Variants in MDGA2 observed in about 807,000 individuals in gnomAD.
MDGA2 encodes the protein MAM domain containing glycosylphosphatidylinositol anchor 2, also known as MAM domain-containing glycosylphosphatidylinositol anchor protein 2.
Under a neutral mutation model 117.8 loss-of-function variants are expected in MDGA2, and 40 were observed. The ratio of observed to expected loss-of-function variants is 0.34; its 90% confidence interval spans 0.26 to 0.44. The LOEUF is 0.44. Ranked by LOEUF, MDGA2 falls within the 20% of genes least tolerant of loss-of-function variation. The pLI, the probability that MDGA2 is intolerant of heterozygous loss-of-function variation, is 1.00. For missense variants in MDGA2, 1,123 were observed against 1,250.6 expected, an observed-to-expected ratio of 0.90 and a Z score of 1.54; for synonymous variants, 452 against 439.0, an observed-to-expected ratio of 1.03 and a Z score of -0.37.
At chr14:47,299,497 T>C (rs1889203288) in intron 2 of MDGA2, 1 of 152,224 alleles carries the variant, frequency 6.6e-6, no homozygotes, top group Non-Finnish European at 1.5e-5. Flanking sequence ...TAGACCCTCC[T>C]GTTTAGATCC....
chr14:47,185,072 T>C (rs1884857418), intron 3 of MDGA2, among the ~76,000 whole-genome samples: 1 of 151,138 alleles, frequency 6.6e-6, no homozygotes, highest in African/African-American at 2.4e-5. Context: ...AACATTTGCT[T>C]TTCAAAATGT....
At chr14:47,346,288 T>C (rs1890761258) in intron 1 of MDGA2, among the ~76,000 whole-genome samples, 1 of 152,160 alleles carries the variant, frequency 6.6e-6, no homozygotes, top group Non-Finnish European at 1.5e-5. Flanking sequence ...AACGGACAGC[T>C]AGTAAGTAAC....
chr14:47,202,840 C>T (rs1410296113), intron 3 of MDGA2, among the ~76,000 whole-genome samples: 1 of 149,224 alleles, frequency 6.7e-6, no homozygotes, highest in Admixed American at 6.6e-5. Flanking sequence ...AAGTTAGTAG[C>T]ACATAATACT....
At chr14:47,393,150 C>T (rs1043548588) in intron 1 of MDGA2, among the ~76,000 whole-genome samples, 4 of 150,944 alleles carry the variant, frequency 2.6e-5, no homozygotes, top group Non-Finnish European at 5.9e-5. Flanking sequence ...AATAGCTTGC[C>T]GTGTCAAACA....
intron 8 of MDGA2, among the ~76,000 whole-genome samples, chr14:46,965,413 T>C (rs1476267229): frequency 6.6e-6 from 1 of 152,182 alleles, no homozygotes; most frequent in Non-Finnish European, 1.5e-5. Flanking sequence ...GGGTTAAAAT[T>C]CTTCAAACAT....
chr14:47,334,357 G>C (rs949301915), intron 1 of MDGA2, among the ~76,000 whole-genome samples: 6 of 151,810 alleles, frequency 4.0e-5, no homozygotes, highest in African/African-American at 1.5e-4. Flanking sequence ...TCTGTTTTGT[G>C]TGGTGTTATT....
intron 7 of MDGA2, among the ~76,000 whole-genome samples, chr14:47,048,102 G>A (rs1382080633): frequency 6.6e-6 from 1 of 151,948 alleles, no homozygotes; most frequent in African/African-American, 2.4e-5. Flanking sequence ...CTATTTCTAT[G>A]AAATAACGAG....
At chr14:47,253,853 C>CAGGCA (rs1393570669) in intron 2 of MDGA2, among the ~76,000 whole-genome samples, 3 of 152,266 alleles carry the variant, frequency 2.0e-5, no homozygotes, top group Non-Finnish European at 4.4e-5. Context: ...CCTAGACATT[C>CAGGCA]AGGCATTTCC....
intron 1 of MDGA2, among the ~76,000 whole-genome samples, chr14:47,469,904 A>G (rs573181794): frequency 1.8e-4 from 28 of 152,136 alleles, no homozygotes; most frequent in Non-Finnish European, 3.2e-4. Flanking sequence ...GCTAAAATCT[A>G]TAAAAATACA....
At chr14:47,671,471 A>G (rs993648108) in intron 1 of MDGA2, among the ~76,000 whole-genome samples, 2 of 152,350 alleles carry the variant, frequency 1.3e-5, no homozygotes, top group East Asian at 1.9e-4. Flanking sequence ...TCCAGGGAAG[A>G]AAGTTTATAA....
chr14:47,377,600 G>C (rs1445774443), intron 1 of MDGA2, among the ~76,000 whole-genome samples: 1 of 152,008 alleles, frequency 6.6e-6, no homozygotes, highest in Non-Finnish European at 1.5e-5. Flanking sequence ...CATGCCCACG[G>C]AGCCTTGCTC....
chr14:47,112,146 G>T (rs1047206818), intron 5 of MDGA2, among the ~76,000 whole-genome samples: 5 of 146,574 alleles, frequency 3.4e-5, no homozygotes, highest in Admixed American at 2.7e-4. Context: ...AGCGGGAGAG[G>T]AAAGAAAGAT....
chr14:47,124,986 G>A (rs1462841199), intron 5 of MDGA2, among the ~76,000 whole-genome samples: 1 of 152,068 alleles, frequency 6.6e-6, no homozygotes, highest in Non-Finnish European at 1.5e-5. Flanking sequence ...ACTAACATAG[G>A]ACATCATCAT....
At chr14:47,508,075 T>C (rs959017603) in intron 1 of MDGA2, among the ~76,000 whole-genome samples, 5 of 152,242 alleles carry the variant, frequency 3.3e-5, no homozygotes, top group Admixed American at 1.3e-4. Context: ...CTTCCTGATA[T>C]AGTAGTGTAA....
intron 2 of MDGA2, among the ~76,000 whole-genome samples, chr14:47,232,543 T>A (rs1331836106): frequency 3.9e-5 from 6 of 152,070 alleles, no homozygotes; most frequent in African/African-American, 1.4e-4. Context: ...AAACCTTTTC[T>A]CCCTTCACTC....
intron 5 of MDGA2, among the ~76,000 whole-genome samples, chr14:47,129,431 T>C (rs1882081020): frequency 6.6e-6 from 1 of 152,136 alleles, no homozygotes; most frequent in Non-Finnish European, 1.5e-5. Context: ...TCATCCTTTT[T>C]TATGGCTGCA....
At chr14:47,517,264 C>T (rs1246650778) in intron 1 of MDGA2, among the ~76,000 whole-genome samples, 1 of 151,896 alleles carries the variant, frequency 6.6e-6, no homozygotes, top group Non-Finnish European at 1.5e-5. Context: ...TGACTAAAAT[C>T]AAGAGAAGTC....
In MDGA2 at chr14:47,422,650, C is replaced by A. The variant is rs561988241; in HGVS notation, c.281-121100G>T. 5.1e-4 allele frequency among the ~76,000 whole-genome samples: 78 copies of A among 152,148 alleles called. 1 individual carries two copies. The highest frequency in any genetic ancestry group is 1.0e-3 in the Non-Finnish European group (68 of 68,008). ...CATGATATCTATTTTTGCCATCCTTCTTTCTCTAACTCCTTTCCTATTCGT... is the reference window on the plus strand; with the variant it reads ...CATGATATCTATTTTTGCCATCCTTATTTCTCTAACTCCTTTCCTATTCGT... On this transcript the variant is annotated intron_variant, in intron 1 of 16. Transcript: ENST00000399232.
At chr14:47,036,145 CTGTAGTCCCAGCTG>C (rs2138653110) in intron 7 of MDGA2, among the ~76,000 whole-genome samples, 1 of 151,610 alleles carries the variant, frequency 6.6e-6, no homozygotes, top group South Asian at 2.1e-4. Flanking sequence ...TGGAGGGCGC[CTGTAGTCCCAGCTG>C]CTGGGGTGGC....
Sources: allele counts gnomAD v4.1 joint callset (sites outside exome capture counted in the v4.1 genomes callset), GRCh38; gene constraint gnomAD v4.1.1; transcripts MANE v1.5; gene names NCBI Gene and HGNC (gene_info 2026-07-23, HGNC 2026-07-21).